The following LMAN1L variants were observed in gnomAD, a reference collection of about 807,000 sequenced individuals.
LMAN1L encodes lectin, mannose binding 1 like.
A neutral mutation model predicts 58.3 loss-of-function variants in LMAN1L; 60 were observed. That is an observed-to-expected ratio of 1.03 (90% CI 0.84 to 1.27). LMAN1L has a LOEUF of 1.27. LMAN1L is among the 50% of genes most tolerant of loss of function. LMAN1L has a pLI of 0.00. For synonymous variants in LMAN1L, 280 were observed against 271.6 expected, an observed-to-expected ratio of 1.03 and a Z score of -0.31; for missense variants, 629 against 674.0, an observed-to-expected ratio of 0.93 and a Z score of 0.74.
chr15:74,814,360 A>ATTT (rs2063879771), intron 1 of LMAN1L, among the ~76,000 whole-genome samples: 1 of 100,902 alleles, frequency 9.9e-6, no homozygotes, highest in Non-Finnish European at 2.2e-5. Context: ...CACGCAGCTA[A>ATTT]TTTTTGTTTT....
At chr15:74,824,525 G>A (rs1337196091) in intron 13 of LMAN1L, 47 bp downstream of exon 13, 1 of 1,609,352 alleles carries the variant, frequency 6.2e-7, no homozygotes. Flanking sequence ...GGCATCTCTT[G>A]GTTCTCAGCT....
intron 6 of LMAN1L, 147 bp downstream of exon 6, chr15:74,819,419 C>A: frequency 9.8e-7 from 1 of 1,017,742 alleles, no homozygotes; most frequent in Non-Finnish European, 1.4e-6. Context: ...TCATGTCTGC[C>A]TTGAGACTTG....
chr15:74,820,670 C>T lies in LMAN1L; in HGVS notation c.810C>T (p.Leu270=), dbSNP rs140910102. The T allele has an allele frequency of 8.4e-5, 135 of 1,614,004 alleles. No homozygotes were observed. In the African/African-American group the frequency reaches 1.5e-3, roughly 18 times the overall value. The change falls in exon 8 of 14, where the codon CTC becomes CTT. Residue 270 remains leucine (L), a synonymous_variant. Coordinates refer to ENST00000309664, the MANE Select transcript of LMAN1L (RefSeq NM_021819.3). ...PPQPFLEMQQ[L]RLARQLEGLW... ...AGCCCTTCCTGGAGATGCAGCAGCT[C>T]CGCCTGGCGAGGCAGCTGGAAGGGC...
intron 1 of LMAN1L, among the ~76,000 whole-genome samples, chr15:74,814,378 G>GT (rs569247875): frequency 0.067 from 7,441 of 110,560 alleles, 948 homozygotes; most frequent in Admixed American, 0.22. Flanking sequence ...TTTTGTTTTT[G>GT]TTTTTTTTTT....
At chr15:74,815,820 T>C (rs1279940691) in intron 1 of LMAN1L, among the ~76,000 whole-genome samples, 1 of 152,254 alleles carries the variant, frequency 6.6e-6, no homozygotes, top group Non-Finnish European at 1.5e-5. Context: ...TTTGGAGTCA[T>C]ATGGAGCTGA....
intron 1 of LMAN1L, chr15:74,813,594 G>A (rs1462446262): frequency 7.6e-6 from 3 of 395,392 alleles, no homozygotes; most frequent in East Asian, 7.2e-5. Flanking sequence ...TACAAAGAGT[G>A]TGTCTTCTAC....
Position 74,824,572 on chromosome 15 carries a change from C to A in LMAN1L, c.1451+94C>A, listed in dbSNP as rs2063932546. The stretch of plus-strand genomic sequence containing the variant: ...ATTTAGGAGAGGGGACACTTCAGCT[C>A]AGAGGGGACCTGCCGAGTCCCCAAA... On this transcript the variant is annotated intron_variant, in intron 13 of 13. Transcript: ENST00000309664. 4 of 1,418,026 alleles carry A rather than the reference C, an allele frequency of 2.8e-6. No homozygotes were observed. The South Asian group carries it at 4.9e-5, about 17-fold the overall frequency. 87.8% of individuals were successfully genotyped at this position (1,418,026 alleles called of 1,614,324 possible).
chr15:74,816,754 C>T (rs995443345), intron 4 of LMAN1L, 64 bp downstream of exon 4: 50 of 1,484,548 alleles, frequency 3.4e-5, no homozygotes, highest in Non-Finnish European at 4.3e-5. Flanking sequence ...CCATCCCCCC[C>T]ATCCGAGCCC....
chr15:74,817,961 C>T lies in LMAN1L; in HGVS notation c.498-757C>T, dbSNP rs540107159. 2.1e-3 allele frequency among the ~76,000 whole-genome samples: 315 copies of T among 149,024 alleles called. 3 individuals carry two copies. Among genetic ancestry groups the T allele is most frequent in the African/African-American group, 7.7e-3 (311 of 40,312 alleles). On this transcript the variant is annotated intron_variant, in intron 4 of 13. Coordinates refer to ENST00000309664, the MANE Select transcript of LMAN1L (RefSeq NM_021819.3). The stretch of plus-strand genomic sequence containing the variant: ...CCAGGAGGCAAAGGTTGCAGTGAGC[C>T]GAGATCGCGCCACTGCACTCCAGCC...
At chr15:74,822,567 T>C in intron 10 of LMAN1L, 75 bp from the exon 11 acceptor site, 1 of 1,207,490 alleles carries the variant, frequency 8.3e-7, no homozygotes, top group Non-Finnish European at 1.2e-6. Context: ...GAGGCTGCAG[T>C]GCCGCTGGGA....
At chr15:74,821,947 G>T in intron 10 of LMAN1L, 47 bp downstream of exon 10, 1 of 1,360,004 alleles carries the variant, frequency 7.4e-7, no homozygotes, top group Non-Finnish European at 1.0e-6. Flanking sequence ...CCCCAGCTTG[G>T]CTGGTGCTCT....
chr15:74,818,313 A>T (rs1280200342), intron 4 of LMAN1L, among the ~76,000 whole-genome samples: 1 of 152,132 alleles, frequency 6.6e-6, no homozygotes, highest in Non-Finnish European at 1.5e-5. Context: ...GCGGAAAGGG[A>T]GGTGGCACAG....
chr15:74,823,645 T>C lies in LMAN1L; in HGVS notation c.1286T>C (p.Ile429Thr). ...IEHHFLELDH[I>T]LGLLQEELRG... Reference sequence around the variant, plus strand: ...CATCATTTCTTAGAGCTGGACCACATCCTGGGCCTCCTGCAGGAGGAGCTT... The same window carrying C: ...CATCATTTCTTAGAGCTGGACCACACCCTGGGCCTCCTGCAGGAGGAGCTT... Residue 429 changes from isoleucine to threonine, a missense_variant, in exon 12 of 14, where the codon ATC becomes ACC. This residue lies in a region of LMAN1L where 573 missense variants were observed against 597.3 expected (regional missense o/e 0.96). Coordinates refer to ENST00000309664, the MANE Select transcript of LMAN1L (RefSeq NM_021819.3). The C allele has an allele frequency of 6.2e-7, 1 of 1,613,772 alleles. No individual in the cohort carries two copies. Among genetic ancestry groups the C allele is most frequent in the Non-Finnish European group, 8.5e-7 (1 of 1,179,846 alleles).
chr15:74,816,800 C>A, intron 4 of LMAN1L, 110 bp downstream of exon 4: 1 of 1,061,060 alleles, frequency 9.4e-7, no homozygotes, highest in Non-Finnish European at 1.4e-6. Context: ...GCCCACCCTG[C>A]CGGGCCGCCA....
At position 74,825,372 on chromosome 15, in the gene LMAN1L, G is replaced by A. The variant is rs1488440453; in HGVS notation, c.1452-104G>A. The A allele has an allele frequency of 3.2e-6, 4 of 1,254,424 alleles. No individual in the cohort carries two copies. In the African/African-American group the frequency reaches 6.0e-5, roughly 19 times the overall value. 77.7% of individuals were successfully genotyped at this position (1,254,424 alleles called of 1,614,324 possible). A position where few individuals can be genotyped will look rare whatever the true frequency, so the allele number is the denominator to read the frequency against. ...CACAGAAAGTCCAAGAACAGCGGAG[G>A]TTGTGGTGCAGTGAGTGTAGCAAGG... is the stretch of plus-strand genomic sequence containing the variant. On this transcript the variant is annotated intron_variant, in intron 13 of 13. Transcript: ENST00000309664.
intron 7 of LMAN1L, 62 bp from the exon 8 acceptor site, chr15:74,820,573 G>A: frequency 1.9e-6 from 3 of 1,605,074 alleles, no homozygotes; most frequent in Non-Finnish European, 2.6e-6. Flanking sequence ...CTGTGGGAAG[G>A]CTCCCCTTGC....
intron 4 of LMAN1L, 52 bp downstream of exon 4, chr15:74,816,742 G>GCCCATCCCCCCCATCCGAGCCCCTGC: frequency 6.4e-7 from 1 of 1,553,978 alleles, no homozygotes; most frequent in Admixed American, 1.8e-5. Context: ...ACTGGGAGGG[G>GCCCATCCCCCCCATCCGAGCCCCTGC]CCCATCCCCC....
In LMAN1L at chr15:74,819,188, G is replaced by A. The variant is rs747159048; in HGVS notation, c.634G>A (p.Gly212Ser). The A allele has an allele frequency of 2.9e-5, 47 of 1,613,982 alleles. No individual in the cohort carries two copies. The highest frequency in any genetic ancestry group is 3.8e-5 in the Non-Finnish European group (45 of 1,179,970). Residue 212 changes from glycine to serine, a missense_variant, in exon 6 of 14, where the codon GGT becomes AGT. By Grantham distance (56) the Gly-to-Ser change is moderately conservative. Transcript: ENST00000309664. ...CAGTGGCCTCACTCCCAGTGATCCAGGTGAGTTCTGTGTGGATGTGGGGCC... is the reference window on the plus strand; with the variant it reads ...CAGTGGCCTCACTCCCAGTGATCCAAGTGAGTTCTGTGTGGATGTGGGGCC... ...LNSGLTPSDP[G>S]EFCVDVGPLL...
At chr15:74,823,472 C>T in intron 11 of LMAN1L, 87 bp from the exon 12 acceptor site, 1 of 1,489,054 alleles carries the variant, frequency 6.7e-7, no homozygotes, top group South Asian at 1.2e-5. Context: ...CATGTGCTGC[C>T]CTTGGGGAGA....
Sources: gnomAD v4.1 joint callset for allele counts (sites outside exome capture counted in the v4.1 genomes callset) on GRCh38, gnomAD v4.1.1 for gene constraint, gnomAD v4.1.1 regional missense constraint, MANE v1.5 for transcripts, NCBI Gene and HGNC (gene_info 2026-07-23, HGNC 2026-07-21) for gene names.